CA8: variants seen among roughly 807,000 people sequenced by gnomAD.
CA8 encodes carbonic anhydrase 8 (inactive), also known as carbonic anhydrase-related protein.
In CA8, 22 loss-of-function variants were observed where a neutral mutation model predicts 41.4. The ratio of observed to expected loss-of-function variants is 0.53; its 90% CI spans 0.38 to 0.76. The LOEUF is 0.76. Among genes scored for constraint, CA8 ranks in the 30% least tolerant of loss-of-function variants. The pLI is 0.00. For missense variants in CA8, 270 were observed against 352.8 expected, an observed-to-expected ratio of 0.77 and a Z score of 1.88; for synonymous variants, 121 against 130.6, an observed-to-expected ratio of 0.93 and a Z score of 0.50.
intron 8 of CA8, among the ~76,000 whole-genome samples, chr8:60,198,916 C>T (rs1021707862): frequency 6.6e-6 from 1 of 151,792 alleles, no homozygotes; most frequent in Non-Finnish European, 1.5e-5. Context: ...TGCTAAGATC[C>T]GCTAAATATA....
chr8:60,222,852 G>T lies in CA8; in HGVS notation c.626-91C>A, dbSNP rs1042127987. ...ACAACAATTTTCAAAATTACAAACT[G>T]TCCAAATGATGCTTCTAAGATGGAT... On this transcript the variant is annotated intron_variant, in intron 6 of 8. Coordinates refer to ENST00000317995, the MANE Select transcript of CA8 (RefSeq NM_004056.6). The T allele has an allele frequency of 7.6e-6, 6 of 784,390 alleles. No individual in the cohort carries two copies. The African/African-American group carries it at 1.0e-4, about 13-fold the overall frequency. 48.6% of individuals were successfully genotyped at this position (784,390 alleles called of 1,614,324 possible). A position where few individuals can be genotyped will look rare whatever the true frequency, so the allele number is the denominator to read the frequency against.
intron 3 of CA8, among the ~76,000 whole-genome samples, chr8:60,261,638 T>C (rs1300496941): frequency 6.6e-6 from 1 of 152,242 alleles, no homozygotes; most frequent in Non-Finnish European, 1.5e-5. Context: ...ACATCCTTCC[T>C]ACATTTGGCT....
At position 60,186,308 on chromosome 8, in the gene CA8, A is replaced by G. The variant is rs1000030273; in HGVS notation, c.*3713T>C. 1.3e-5 allele frequency among the ~76,000 whole-genome samples: 2 copies of G among 152,080 alleles called. No individual in the cohort carries two copies. Among genetic ancestry groups the G allele is most frequent in the Non-Finnish European group, 2.9e-5 (2 of 67,934 alleles). On this transcript the variant is annotated 3_prime_UTR_variant, in exon 9 of 9. Coordinates refer to ENST00000317995, the MANE Select transcript of CA8 (RefSeq NM_004056.6). ...CTATTTAGTAGTAACTAAATAACTCACTGTAATAAAGTTATTATAAATCTG... is the reference window on the plus strand; with the variant it reads ...CTATTTAGTAGTAACTAAATAACTCGCTGTAATAAAGTTATTATAAATCTG...
chr8:60,248,463 T>C (rs1317191737), intron 3 of CA8, among the ~76,000 whole-genome samples: 3 of 152,244 alleles, frequency 2.0e-5, no homozygotes, highest in African/African-American at 7.2e-5. Flanking sequence ...TTCAGTTTTC[T>C]GCACATGGCT....
At chr8:60,222,623 T>C (rs750151100) in intron 7 of CA8, 26 bp downstream of exon 7, 138 of 1,384,242 alleles carry the variant, frequency 1.0e-4, no homozygotes, top group Admixed American at 5.9e-4. Flanking sequence ...AACTTCACTC[T>C]GAAAGATTCA....
chr8:60,217,064 A>G (rs1807045967), intron 7 of CA8, among the ~76,000 whole-genome samples: 1 of 152,020 alleles, frequency 6.6e-6, no homozygotes, highest in Non-Finnish European at 1.5e-5. Context: ...TTGTATCTTT[A>G]GTAGAGACAG....
chr8:60,220,689 A>G (rs1231444884), intron 7 of CA8, among the ~76,000 whole-genome samples: 3 of 152,062 alleles, frequency 2.0e-5, no homozygotes, highest in Non-Finnish European at 4.4e-5. Context: ...AGCTTGAGCT[A>G]TGGCGCCAGG....
At chr8:60,218,283 C>G (rs1276584883) in intron 7 of CA8, among the ~76,000 whole-genome samples, 1 of 151,840 alleles carries the variant, frequency 6.6e-6, no homozygotes, top group Non-Finnish European at 1.5e-5. Context: ...CATCCCATAG[C>G]GCTGGACACA....
intron 3 of CA8, among the ~76,000 whole-genome samples, chr8:60,257,450 T>C (rs1223436323): frequency 6.6e-6 from 1 of 152,208 alleles, no homozygotes; most frequent in Non-Finnish European, 1.5e-5. Flanking sequence ...ATAAGTTTTA[T>C]AGGCAGGTTG....
chr8:60,269,725 C>T (rs1804009508), intron 2 of CA8, among the ~76,000 whole-genome samples: 1 of 152,204 alleles, frequency 6.6e-6, no homozygotes, highest in Non-Finnish European at 1.5e-5. Context: ...ATCAACTCGA[C>T]ACCTGGCCCT....
chr8:60,273,801 G>C (rs776712012), intron 2 of CA8, among the ~76,000 whole-genome samples: 2 of 152,236 alleles, frequency 1.3e-5, no homozygotes, highest in Admixed American at 6.5e-5. Flanking sequence ...GTTCATCAGT[G>C]ACCTTGGCTT....
chr8:60,194,555 C>A (rs1054137121), intron 8 of CA8, among the ~76,000 whole-genome samples: 40 of 152,306 alleles, frequency 2.6e-4, no homozygotes, highest in African/African-American at 9.1e-4. Context: ...GAGTCTCTCT[C>A]TTAATCATCT....
At chr8:60,281,022 G>C (rs775962746) in intron 1 of CA8, 26 bp downstream of exon 1, 2 of 1,555,358 alleles carry the variant, frequency 1.3e-6, no homozygotes, top group Non-Finnish European at 1.8e-6. Flanking sequence ...GCGGGACCCC[G>C]GACACCCCGA....
intron 3 of CA8, among the ~76,000 whole-genome samples, chr8:60,234,157 C>A (rs914544927): frequency 6.6e-6 from 1 of 152,152 alleles, no homozygotes; most frequent in Non-Finnish European, 1.5e-5. Flanking sequence ...ATAACCCAAT[C>A]TAGCCACAAG....
Position 60,188,082 on chromosome 8 carries a change from A to G in CA8, c.*1939T>C, listed in dbSNP as rs1806011911. 1.3e-5 allele frequency: 2 copies of G among 152,220 alleles called. No homozygotes were observed. Among genetic ancestry groups the G allele is most frequent in the African/African-American group, 4.8e-5 (2 of 41,456 alleles). The allele number at this position is 152,220 out of a possible 1,614,324, so 9.4% of individuals were successfully genotyped here. On this transcript the variant is annotated 3_prime_UTR_variant, in exon 9 of 9. Coordinates refer to ENST00000317995, the MANE Select transcript of CA8 (RefSeq NM_004056.6). Reference sequence around the variant, plus strand: ...TGCCTCCAAACAATGTCACCAATGGACACCATGATCTGAACCAAGTAGTTC... The same window carrying G: ...TGCCTCCAAACAATGTCACCAATGGGCACCATGATCTGAACCAAGTAGTTC...
rs540171360 is a variant in CA8 at position 60,237,356 on chromosome 8, A to G, written c.418-4977T>C. 3.3e-5 allele frequency among the ~76,000 whole-genome samples: 5 copies of G among 152,338 alleles called. No homozygotes were observed. In the South Asian group the frequency reaches 1.0e-3, roughly 32 times the overall value. On this transcript the variant is annotated intron_variant, in intron 3 of 8. Transcript: ENST00000317995. Reference sequence around the variant, plus strand: ...TTATTAGCATTATATATAGCCAGCAAAGGCAGGGAAGCAGGATGATGGATT... The same window carrying G: ...TTATTAGCATTATATATAGCCAGCAGAGGCAGGGAAGCAGGATGATGGATT...
intron 3 of CA8, among the ~76,000 whole-genome samples, chr8:60,253,945 C>T (rs978287320): frequency 6.6e-6 from 1 of 152,142 alleles, no homozygotes; most frequent in African/African-American, 2.4e-5. Flanking sequence ...TTTGAATAGG[C>T]CTGCCACACC....
intron 4 of CA8, 65 bp from the exon 5 acceptor site, chr8:60,227,000 A>C: frequency 3.4e-6 from 4 of 1,159,668 alleles, no homozygotes; most frequent in Middle Eastern, 2.8e-4. Context: ...AACTAAAAAA[A>C]AACTAATAGG....
At chr8:60,253,219 A>G (rs183655334) in intron 3 of CA8, among the ~76,000 whole-genome samples, 2 of 152,310 alleles carry the variant, frequency 1.3e-5, no homozygotes, top group Non-Finnish European at 2.9e-5. Context: ...TGAGTGACAG[A>G]GTAAGACCCT....
Sources: allele counts gnomAD v4.1 joint callset (sites outside exome capture counted in the v4.1 genomes callset), GRCh38; gene constraint gnomAD v4.1.1; transcripts MANE v1.5; gene names NCBI Gene and HGNC (gene_info 2026-07-23, HGNC 2026-07-21).